Variants in ACOT8 observed in about 807,000 individuals in gnomAD.
ACOT8 encodes acyl-CoA thioesterase 8.
A neutral mutation model predicts 38.4 loss-of-function variants in ACOT8; 31 were observed. That is an observed-to-expected ratio of 0.81 (90% CI 0.61 to 1.09). ACOT8 has a LOEUF of 1.09. ACOT8 is among the 50% of genes least tolerant of loss of function. The pLI is 0.00. For missense variants in ACOT8, 373 were observed against 421.8 expected (o/e 0.88, Z 1.01); for synonymous variants, 158 against 170.3 (o/e 0.93, Z 0.56).
At chr20:45,852,764 A>T (rs1049624754) in intron 2 of ACOT8, among the ~76,000 whole-genome samples, 2 of 151,972 alleles carry the variant, frequency 1.3e-5, no homozygotes, top group African/African-American at 2.4e-5. Flanking sequence ...AATTATTTTT[A>T]TTTATTTATT....
At position 45,846,840 on chromosome 20, in the gene ACOT8, T is replaced by C. The variant is rs547410915; in HGVS notation, c.488+1610A>G. Among the ~76,000 whole-genome samples, 10 of 152,286 alleles carry C rather than the reference T, an allele frequency of 6.6e-5. No homozygotes were observed. In the East Asian group the frequency reaches 1.9e-3, roughly 29 times the overall value. On this transcript the variant is annotated intron_variant, in intron 3 of 5. Coordinates refer to ENST00000217455, the MANE Select transcript of ACOT8 (RefSeq NM_005469.4). Reference sequence around the variant, plus strand: ...TATATTTTACCAGGTATTCAAAATATCTAACATGCTCCCTGGTGGTCTAAT... The same window carrying C: ...TATATTTTACCAGGTATTCAAAATACCTAACATGCTCCCTGGTGGTCTAAT...
intron 2 of ACOT8, 35 bp from the exon 3 acceptor site, chr20:45,848,710 G>T: frequency 6.5e-7 from 1 of 1,541,026 alleles, no homozygotes. Context: ...GGGTCCACAG[G>T]CCCTGTCATC....
At chr20:45,857,109 C>T (rs1985504101) in intron 1 of ACOT8, 79 bp downstream of exon 1, 3 of 1,536,754 alleles carry the variant, frequency 2.0e-6, no homozygotes, top group Admixed American at 3.8e-5. Flanking sequence ...AGTCCCGGAG[C>T]CAGGGGCCCC....
intron 2 of ACOT8, among the ~76,000 whole-genome samples, chr20:45,851,093 T>G (rs1463378026): frequency 6.6e-6 from 1 of 152,198 alleles, no homozygotes; most frequent in Non-Finnish European, 1.5e-5. Flanking sequence ...AGAGAAGTGT[T>G]GCTTCCTTCA....
intron 5 of ACOT8, 142 bp downstream of exon 5, chr20:45,843,385 G>A: frequency 9.0e-7 from 1 of 1,106,846 alleles, no homozygotes; most frequent in Non-Finnish European, 1.3e-6. Context: ...TTTTGAAGAT[G>A]AAGATGCCAA....
chr20:45,843,966 G>T, intron 4 of ACOT8: 1 of 834,368 alleles, frequency 1.2e-6, no homozygotes, highest in South Asian at 1.8e-5. Flanking sequence ...CCCAAAAGGG[G>T]TGTCTTCTTC....
At chr20:45,854,650 C>T (rs1187019826) in intron 2 of ACOT8, among the ~76,000 whole-genome samples, 4 of 152,192 alleles carry the variant, frequency 2.6e-5, no homozygotes, top group Admixed American at 2.0e-4. Flanking sequence ...GAGGTAACCT[C>T]ACAAGGCTGC....
intron 2 of ACOT8, among the ~76,000 whole-genome samples, chr20:45,851,485 TC>T (rs1336629728): frequency 3.9e-5 from 6 of 152,184 alleles, no homozygotes; most frequent in Non-Finnish European, 5.9e-5. Context: ...GTGAATGAGT[TC>T]CAGCCCTATT....
At chr20:45,848,244 C>G (rs1249069446) in intron 3 of ACOT8, among the ~76,000 whole-genome samples, 3 of 152,176 alleles carry the variant, frequency 2.0e-5, no homozygotes, top group Non-Finnish European at 4.4e-5. Flanking sequence ...CCAGTACAGA[C>G]ACACACCAGA....
chr20:45,851,726 A>G (rs1394425341), intron 2 of ACOT8, among the ~76,000 whole-genome samples: 2 of 152,234 alleles, frequency 1.3e-5, no homozygotes, highest in Non-Finnish European at 2.9e-5. Context: ...ATTTGTTTAC[A>G]TATTGTCTAT....
chr20:45,855,265 C>G lies in ACOT8; in HGVS notation c.156G>C (p.Lys52Asn). Residue 52 changes from lysine (K) to asparagine (N), a missense_variant, in exon 2 of 6, where the codon AAG becomes AAC. Coordinates refer to ENST00000217455, the MANE Select transcript of ACOT8 (RefSeq NM_005469.4). ...FRGRHYWVPA[K>N]RLFGGQIVGQ... Reference sequence around the variant, plus strand: ...CCACGATCTGACCACCAAACAGCCTCTTGGCCGGTACCCAGTAATGCCTTC... The same window carrying G: ...CCACGATCTGACCACCAAACAGCCTGTTGGCCGGTACCCAGTAATGCCTTC... The G allele has an allele frequency of 6.2e-7, 1 of 1,614,150 alleles. No individual in the cohort carries two copies. The highest frequency in any genetic ancestry group is 8.5e-7 in the Non-Finnish European group (1 of 1,180,036).
rs1232249649 is a variant in ACOT8, at chr20:45,843,729, A to G, written c.647-8T>C. 1 of 1,605,592 alleles carries G rather than the reference A, an allele frequency of 6.2e-7. No homozygotes were observed. Among genetic ancestry groups the G allele is most frequent in the South Asian group, 1.1e-5 (1 of 90,876 alleles). On this transcript the variant is annotated splice_region_variant and splice_polypyrimidine_tract_variant and intron_variant, in intron 4 of 5. Coordinates refer to ENST00000217455, the MANE Select transcript of ACOT8 (RefSeq NM_005469.4). ...TCTTCATGTCGCCCTCGCCTGCAACAGGTCCCCATCAGCCCTGGGCTCCTG... is the reference window on the plus strand; with the variant it reads ...TCTTCATGTCGCCCTCGCCTGCAACGGGTCCCCATCAGCCCTGGGCTCCTG...
intron 2 of ACOT8, among the ~76,000 whole-genome samples, chr20:45,849,621 T>C (rs951540743): frequency 6.6e-6 from 1 of 152,088 alleles, no homozygotes; most frequent in Non-Finnish European, 1.5e-5. Flanking sequence ...CAACAAATTT[T>C]TGTATTTTTT....
At position 45,844,030 on chromosome 20, in the gene ACOT8, G is replaced by T. The variant is rs566020856; in HGVS notation, c.646+233C>A. ...GCAGCAAAGCTGGACAACAACCCCA[G>T]CGAGGTGCCTTTTGCCTTCCTCAGA... is the stretch of plus-strand genomic sequence containing the variant. On this transcript the variant is annotated intron_variant, in intron 4 of 5. Coordinates refer to ENST00000217455, the MANE Select transcript of ACOT8 (RefSeq NM_005469.4). 3.3e-5 allele frequency: 26 copies of T among 786,852 alleles called. No individual in the cohort carries two copies. In the East Asian group the frequency reaches 7.0e-4, roughly 21 times the overall value. The allele number at this position is 786,852 out of a possible 1,614,324, so 48.7% of individuals were successfully genotyped here. A position where few individuals can be genotyped will look rare whatever the true frequency, so the allele number is the denominator to read the frequency against.
At position 45,855,216 on chromosome 20, in the gene ACOT8, T is replaced by C. The variant is rs1371428191; in HGVS notation, c.205A>G (p.Lys69Glu). Residue 69 changes from lysine to glutamate, a missense_variant, in exon 2 of 6, where the codon AAG (lysine) becomes GAG (glutamate). Transcript: ENST00000217455. ...IVGQALVAAA[K>E]SVSEDVHVHS... ...ACGTGGACGTCTTCACTCACAGACTTGGCTGCAGCCACCAGGGCCTGGCCC... is the reference window on the plus strand; with the variant it reads ...ACGTGGACGTCTTCACTCACAGACTCGGCTGCAGCCACCAGGGCCTGGCCC... The C allele has an allele frequency of 1.2e-6, 2 of 1,614,038 alleles. No individual in the cohort carries two copies. The highest frequency in any genetic ancestry group is 8.5e-7 in the Non-Finnish European group (1 of 1,180,040).
chr20:45,855,345 C>A (rs139931236), intron 1 of ACOT8, 53 bp from the exon 2 acceptor site: 34,965 of 1,599,150 alleles, frequency 0.022, 539 homozygotes, highest in Non-Finnish European at 0.024. Flanking sequence ...CCAAATTCTA[C>A]TACCCTCACT....
At position 45,842,087 on chromosome 20, in the gene ACOT8, C is replaced by T. The variant is rs370999433; in HGVS notation, c.842-131G>A. 3.9e-5 allele frequency: 60 copies of T among 1,538,280 alleles called. No individual in the cohort carries two copies. In the African/African-American group the frequency reaches 7.7e-4, roughly 20 times the overall value. On this transcript the variant is annotated intron_variant, in intron 5 of 5. Coordinates refer to ENST00000217455, the MANE Select transcript of ACOT8 (RefSeq NM_005469.4). ...AGCGCCTGGGTTCAAGGGATCCTCC[C>T]GCCTCAGCCTCCTGAGCAGCTGGGA...
Position 45,857,207 on chromosome 20 carries a change from G to A in ACOT8, c.109C>T (p.Leu37=). The change falls in exon 1 of 6, where the codon CTG becomes TTG. Residue 37 remains leucine (L), a synonymous_variant. Coordinates refer to ENST00000217455, the MANE Select transcript of ACOT8 (RefSeq NM_005469.4). ...LVTTVLNLEP[L]DEDLFRGRHY... The stretch of plus-strand genomic sequence containing the variant: ...GGCTACCTGAAGAGATCCTCGTCCA[G>A]CGGCTCGAGGTTGAGCACGGTCGTG... 6.2e-7 allele frequency: 1 copy of A among 1,613,306 alleles called. No homozygotes were observed. Among genetic ancestry groups the A allele is most frequent in the Middle Eastern group, 1.7e-4 (1 of 6,056 alleles).
At chr20:45,855,335 C>A in intron 1 of ACOT8, 43 bp from the exon 2 acceptor site, 1 of 1,607,882 alleles carries the variant, frequency 6.2e-7, no homozygotes, top group Admixed American at 1.7e-5. Context: ...GGGAACTGGG[C>A]CAAATTCTAC....
Sources: gnomAD v4.1 joint callset for allele counts (sites outside exome capture counted in the v4.1 genomes callset) on GRCh38, gnomAD v4.1.1 for gene constraint, MANE v1.5 for transcripts, NCBI Gene and HGNC (gene_info 2026-07-23, HGNC 2026-07-21) for gene names.